HS3ST5: variants seen among roughly 807,000 people sequenced by gnomAD.
The protein encoded by HS3ST5 is heparan sulfate-glucosamine 3-sulfotransferase 5, also known as heparan sulfate glucosamine 3-O-sulfotransferase 5.
In HS3ST5, 10 loss-of-function variants were observed where a neutral mutation model predicts 25.4. The ratio of observed to expected loss-of-function variants is 0.39; its 90% confidence interval spans 0.24 to 0.67. The LOEUF (loss-of-function observed/expected upper bound fraction) is 0.67, where lower values mean the gene tolerates loss of function less well. HS3ST5 is among the 30% of genes least tolerant of loss of function. The pLI, the probability that HS3ST5 is intolerant of heterozygous loss-of-function variation, is 0.44. For missense variants in HS3ST5, 324 were observed against 420.7 expected (o/e 0.77, Z 2.01); for synonymous variants, 170 against 162.4 (o/e 1.05, Z -0.36).
intron 2 of HS3ST5, among the ~76,000 whole-genome samples, chr6:114,180,595 G>T: frequency 6.6e-6 from 1 of 152,146 alleles, no homozygotes; most frequent in East Asian, 1.9e-4. Context: ...AGCCACTGCT[G>T]GCTTCCCGGC....
At chr6:114,129,597 C>A (rs1167445136) in intron 3 of HS3ST5, among the ~76,000 whole-genome samples, 2 of 152,090 alleles carry the variant, frequency 1.3e-5, no homozygotes, top group African/African-American at 4.8e-5. Flanking sequence ...GGATGCCAAA[C>A]AAATGAAGCA....
intron 1 of HS3ST5, among the ~76,000 whole-genome samples, chr6:114,329,360 G>A (rs961552426): frequency 6.6e-6 from 1 of 152,134 alleles, no homozygotes; most frequent in African/African-American, 2.4e-5. Flanking sequence ...ACTGATTCTG[G>A]TATGAACCTA....
intron 1 of HS3ST5, among the ~76,000 whole-genome samples, chr6:114,236,329 C>T (rs764936897): frequency 6.6e-6 from 1 of 152,126 alleles, no homozygotes; most frequent in Non-Finnish European, 1.5e-5. Flanking sequence ...GTCAACTATC[C>T]AATTAGGTAA....
intron 1 of HS3ST5, among the ~76,000 whole-genome samples, chr6:114,249,620 C>T (rs1264708962): frequency 6.6e-6 from 1 of 152,282 alleles, no homozygotes; most frequent in Middle Eastern, 3.4e-3. Context: ...GGTACGACCC[C>T]TCCCCAGGGG....
chr6:114,059,444 A>T (rs1772966008), intron 4 of HS3ST5: 1 of 152,100 alleles, frequency 6.6e-6, no homozygotes, highest in Admixed American at 6.5e-5. Context: ...GTTTTCTGAG[A>T]TGAGAAACAA....
intron 2 of HS3ST5, among the ~76,000 whole-genome samples, chr6:114,189,853 A>C (rs182183578): frequency 6.6e-6 from 1 of 152,312 alleles, no homozygotes; most frequent in Admixed American, 6.5e-5. Flanking sequence ...TGAGTGTGCA[A>C]GAAATGGGTC....
intron 4 of HS3ST5, among the ~76,000 whole-genome samples, chr6:114,061,904 C>T (rs1282987630): frequency 1.3e-5 from 2 of 152,086 alleles, no homozygotes. Flanking sequence ...GCCGAGATTA[C>T]GCCATTGCAC....
At chr6:114,160,662 A>G (rs1040482391) in intron 3 of HS3ST5, among the ~76,000 whole-genome samples, 1 of 152,194 alleles carries the variant, frequency 6.6e-6, no homozygotes, top group Non-Finnish European at 1.5e-5. Flanking sequence ...CACCATTAAC[A>G]TTTTAAAAGA....
At chr6:114,315,209 G>A (rs1052425410) in intron 1 of HS3ST5, among the ~76,000 whole-genome samples, 15 of 152,034 alleles carry the variant, frequency 9.9e-5, no homozygotes, top group Admixed American at 3.3e-4. Context: ...TGAATGGTTA[G>A]GATTATTTTA....
At chr6:114,193,882 C>A (rs1057272475) in intron 2 of HS3ST5, among the ~76,000 whole-genome samples, 5 of 152,118 alleles carry the variant, frequency 3.3e-5, no homozygotes, top group African/African-American at 1.2e-4. Context: ...TTCCTGGGGG[C>A]AGCTTCCAAG....
At chr6:114,198,797 GT>G (rs199598084) in intron 2 of HS3ST5, among the ~76,000 whole-genome samples, 31 of 149,756 alleles carry the variant, frequency 2.1e-4, no homozygotes, top group Admixed American at 1.1e-3. Flanking sequence ...CTTAGTACAA[GT>G]TTTTTTTTTA....
chr6:114,298,031 A>C (rs1582797051), intron 1 of HS3ST5, among the ~76,000 whole-genome samples: 1 of 152,344 alleles, frequency 6.6e-6, no homozygotes. Flanking sequence ...GCCATGAATA[A>C]ATATTAGTAT....
rs567945598 is a variant in HS3ST5, at chr6:114,151,991, C to T, written c.-33+16360G>A. Among the ~76,000 whole-genome samples, 13 of 152,026 alleles carry T rather than the reference C, an allele frequency of 8.6e-5. No homozygotes were observed. In the South Asian group the frequency reaches 2.5e-3, roughly 29 times the overall value. On this transcript the variant is annotated intron_variant, in intron 3 of 4. Transcript: ENST00000312719. ...TGTCGCCTAGGCTGGAGTACGGTGG[C>T]GTGATCTCGGTTCACTGCAAACTCT...
At chr6:114,177,187 T>A (rs981731024) in intron 2 of HS3ST5, among the ~76,000 whole-genome samples, 1 of 152,242 alleles carries the variant, frequency 6.6e-6, no homozygotes, top group Non-Finnish European at 1.5e-5. Flanking sequence ...GCATTTTTTT[T>A]ATCCACAAGA....
At chr6:114,217,819 C>T (rs9320486) in intron 2 of HS3ST5, among the ~76,000 whole-genome samples, 66,778 of 151,878 alleles carry the variant, frequency 0.44, 14,783 homozygotes, top group Middle Eastern at 0.48. Flanking sequence ...CTATTCTATA[C>T]TGCCTTGTAT....
At chr6:114,225,154 G>GT (rs1401774844) in intron 2 of HS3ST5, among the ~76,000 whole-genome samples, 1 of 151,756 alleles carries the variant, frequency 6.6e-6, no homozygotes, top group African/African-American at 2.4e-5. Flanking sequence ...AGTTTTGTAA[G>GT]TTTTTTCAAA....
chr6:114,229,605 G>C (rs551860432), intron 1 of HS3ST5, among the ~76,000 whole-genome samples: 2 of 152,286 alleles, frequency 1.3e-5, no homozygotes, highest in East Asian at 1.9e-4. Context: ...AAAATCAAGT[G>C]TTCACTTTCT....
chr6:114,170,231 A>AT (rs910378285), intron 2 of HS3ST5, among the ~76,000 whole-genome samples: 1 of 152,020 alleles, frequency 6.6e-6, no homozygotes, highest in South Asian at 2.1e-4. Flanking sequence ...CTAGCTGATG[A>AT]TTTTTTTTAA....
rs143776434 is a variant in HS3ST5 at position 114,311,823 on chromosome 6, G to A, written c.-339+30372C>T. Among the ~76,000 whole-genome samples, 1,325 of 152,174 alleles carry A rather than the reference G, an allele frequency of 8.7e-3. 24 individuals are homozygous for A. Among genetic ancestry groups the A allele is most frequent in the African/African-American group, 0.03 (1,258 of 41,510 alleles). The stretch of plus-strand genomic sequence containing the variant: ...CTCCCAAAGTAATGAGATTACAGGC[G>A]TGAGCCACCGTGCCCAGCTGCAAGG... On this transcript the variant is annotated intron_variant, in intron 1 of 4. Coordinates refer to ENST00000312719, the MANE Select transcript of HS3ST5 (RefSeq NM_153612.4).
Sources: allele counts gnomAD v4.1 joint callset (sites outside exome capture counted in the v4.1 genomes callset), GRCh38; gene constraint gnomAD v4.1.1; transcripts MANE v1.5; gene names NCBI Gene and HGNC (gene_info 2026-07-23, HGNC 2026-07-21).